The following TENM2 variants were observed in gnomAD, a reference collection of about 807,000 sequenced individuals.
TENM2 encodes the protein teneurin-2.
Under a neutral mutation model 245.2 loss-of-function variants are expected in TENM2, and 52 were observed. That is an observed-to-expected ratio of 0.21 (90% confidence interval 0.17 to 0.27). TENM2 has a LOEUF of 0.27. Among genes scored for constraint, TENM2 ranks in the 10% least tolerant of loss-of-function variants. The pLI is 1.00. For missense variants in TENM2, 3,046 were observed against 3,666.8 expected (o/e 0.83, Z 4.37); for synonymous variants, 1,363 against 1,438.9 (o/e 0.95, Z 1.19).
intron 4 of TENM2, among the ~76,000 whole-genome samples, chr5:167,975,631 C>A (rs1407866659): frequency 6.6e-6 from 1 of 152,032 alleles, no homozygotes; most frequent in East Asian, 1.9e-4. Flanking sequence ...TAGTTAATAT[C>A]CCTGAAGAGC....
At chr5:167,583,091 C>T (rs1472269430) in intron 2 of TENM2, among the ~76,000 whole-genome samples, 1 of 152,156 alleles carries the variant, frequency 6.6e-6, no homozygotes, top group African/African-American at 2.4e-5. Context: ...CATAATGTAG[C>T]CATGAACTAT....
chr5:167,466,249 T>C (rs1399872557), intron 2 of TENM2, among the ~76,000 whole-genome samples: 2 of 152,188 alleles, frequency 1.3e-5, no homozygotes, highest in African/African-American at 2.4e-5. Flanking sequence ...CCTCCACTCC[T>C]TGCTCCTCTA....
At chr5:167,040,150 T>C in the TENM2 span, among the ~76,000 whole-genome samples, 1 of 152,058 alleles carries the variant, frequency 6.6e-6, no homozygotes, top group Non-Finnish European at 1.5e-5. Context: ...TGTACTTCTA[T>C]CTAGCTAATG....
chr5:167,884,408 C>T (rs542477555), intron 3 of TENM2, among the ~76,000 whole-genome samples: 2 of 152,178 alleles, frequency 1.3e-5, no homozygotes, highest in Non-Finnish European at 2.9e-5. Context: ...AACACTAACT[C>T]GCTTTCCCTC....
intron 3 of TENM2, among the ~76,000 whole-genome samples, chr5:167,903,448 A>G (rs566590196): frequency 2.0e-5 from 3 of 152,140 alleles, no homozygotes; most frequent in Non-Finnish European, 4.4e-5. Context: ...AATGGAGGAA[A>G]AAAAGGCTTT....
the TENM2 span, among the ~76,000 whole-genome samples, chr5:167,062,927 C>A: frequency 6.6e-6 from 1 of 152,134 alleles, no homozygotes; most frequent in South Asian, 2.1e-4. Flanking sequence ...GAAAGAAACA[C>A]AATCTTTCTG....
the TENM2 span, among the ~76,000 whole-genome samples, chr5:167,262,299 A>C: frequency 6.6e-6 from 1 of 151,650 alleles, no homozygotes; most frequent in Non-Finnish European, 1.5e-5. Context: ...CGGAGGTTGC[A>C]GTGGGCTGGG....
chr5:167,042,096 T>A, the TENM2 span, among the ~76,000 whole-genome samples: 1 of 152,222 alleles, frequency 6.6e-6, no homozygotes, highest in East Asian at 1.9e-4. Context: ...GTTAATTTCC[T>A]TGATCAAAGG....
chr5:167,830,413 A>T (rs188879002), intron 2 of TENM2, among the ~76,000 whole-genome samples: 1 of 152,332 alleles, frequency 6.6e-6, no homozygotes, highest in Admixed American at 6.5e-5. Flanking sequence ...CTAATAACTA[A>T]TGAAGTTAAA....
Position 167,613,595 on chromosome 5 carries a change from G to A in TENM2, c.502+238122G>A, listed in dbSNP as rs192779211. ...ACCATTACTAGATGCAATGACACTA[G>A]GAACCAGCCCAGTGTCACCCACTGA... is the stretch of plus-strand genomic sequence containing the variant. On this transcript the variant is annotated intron_variant, in intron 2 of 28. Coordinates refer to ENST00000518659, the Ensembl canonical transcript of TENM2. Among the ~76,000 whole-genome samples the A allele has an allele frequency of 1.1e-3, 172 of 152,166 alleles. 1 individual carries two copies. The East Asian group carries it at 0.013, about 11-fold the overall frequency.
At chr5:167,186,758 TAA>T in the TENM2 span, among the ~76,000 whole-genome samples, 1 of 152,170 alleles carries the variant, frequency 6.6e-6, no homozygotes, top group Admixed American at 6.6e-5. Flanking sequence ...GGCTAGAGAT[TAA>T]GTTACAGAAT....
intron 2 of TENM2, among the ~76,000 whole-genome samples, chr5:167,556,269 G>A (rs1249829478): frequency 6.6e-6 from 1 of 152,038 alleles, no homozygotes; most frequent in African/African-American, 2.4e-5. Flanking sequence ...ATGTAGAAAA[G>A]CTCTCATTTT....
At chr5:167,768,875 C>T (rs1156442191) in intron 2 of TENM2, among the ~76,000 whole-genome samples, 1 of 152,154 alleles carries the variant, frequency 6.6e-6, no homozygotes, top group East Asian at 1.9e-4. Context: ...TTCCCTGTAA[C>T]TTGGGAGACG....
intron 2 of TENM2, among the ~76,000 whole-genome samples, chr5:167,865,318 G>T (rs775800142): frequency 2.6e-5 from 4 of 151,990 alleles, no homozygotes; most frequent in Non-Finnish European, 5.9e-5. Context: ...TTGCTCTGCA[G>T]TCCAGGCCAG....
chr5:167,859,042 C>T (rs1422682282), intron 2 of TENM2, among the ~76,000 whole-genome samples: 22 of 146,520 alleles, frequency 1.5e-4, no homozygotes, highest in South Asian at 2.2e-4. Flanking sequence ...TCCGCCCGGC[C>T]GCCATCACAT....
chr5:168,173,486 T>C (rs1193721105), intron 13 of TENM2, among the ~76,000 whole-genome samples: 1 of 152,228 alleles, frequency 6.6e-6, no homozygotes, highest in East Asian at 1.9e-4. Context: ...AGTGTCGCCT[T>C]CACTTTCGCC....
At chr5:167,085,905 C>T in the TENM2 span, among the ~76,000 whole-genome samples, 10 of 152,150 alleles carry the variant, frequency 6.6e-5, no homozygotes, top group African/African-American at 2.2e-4. Flanking sequence ...GGAGTGCTCA[C>T]GGCGATCACT....
chr5:168,191,338 C>G (rs1034107506), intron 14 of TENM2, among the ~76,000 whole-genome samples: 1 of 152,148 alleles, frequency 6.6e-6, no homozygotes, highest in East Asian at 1.9e-4. Flanking sequence ...CTATGCACTA[C>G]GTATGATTCT....
chr5:168,076,922 G>T (rs1367819098), intron 7 of TENM2, among the ~76,000 whole-genome samples: 1 of 152,032 alleles, frequency 6.6e-6, no homozygotes, highest in East Asian at 1.9e-4. Flanking sequence ...ACCCCCTACT[G>T]GCTGCCTGTT....
Sources: gnomAD v4.1 joint callset for allele counts (sites outside exome capture counted in the v4.1 genomes callset) on GRCh38, gnomAD v4.1.1 for gene constraint, MANE v1.5 for transcripts, NCBI Gene and HGNC (gene_info 2026-07-23, HGNC 2026-07-21) for gene names.